The following UGT2A1 variants were observed in gnomAD, a reference collection of about 807,000 sequenced individuals.
UGT2A1 encodes the protein UDP glucuronosyltransferase family 2 member A1 complex locus, also known as UDP-glucuronosyltransferase 2A1.
Under a neutral mutation model 45.4 loss-of-function variants are expected in UGT2A1, and 61 were observed. That is an observed-to-expected ratio of 1.34 (90% confidence interval 1.09 to 1.66). UGT2A1 has a LOEUF of 1.66. Ranked by LOEUF, UGT2A1 falls within the 40% of genes most tolerant of loss-of-function variation. UGT2A1 has a pLI of 0.00. For synonymous variants in UGT2A1, 229 were observed against 196.2 expected, an observed-to-expected ratio of 1.17 and a Z score of -1.40; for missense variants, 649 against 574.3, an observed-to-expected ratio of 1.13 and a Z score of -1.33.
At chr4:69,638,402 T>C (rs116664976) in intron 2 of UGT2A1, among the ~76,000 whole-genome samples, 2,343 of 152,194 alleles carry the variant, frequency 0.015, 65 homozygotes, top group African/African-American at 0.054. Context: ...AGAGATGGTG[T>C]CCAACTACCC....
intron 6 of UGT2A1, among the ~76,000 whole-genome samples, chr4:69,591,047 C>G (rs958949927): frequency 2.6e-5 from 4 of 152,198 alleles, no homozygotes; most frequent in African/African-American, 9.6e-5. Context: ...AGTGAAGTTA[C>G]TTTAAATTAA....
At chr4:69,593,250 A>ATAATCTC (rs1203556945) in intron 6 of UGT2A1, among the ~76,000 whole-genome samples, 2 of 152,106 alleles carry the variant, frequency 1.3e-5, no homozygotes, top group Non-Finnish European at 2.9e-5. Context: ...TTTGGAATAA[A>ATAATCTC]TAATCTCTAA....
chr4:69,611,069 G>A (rs543252508), intron 3 of UGT2A1, among the ~76,000 whole-genome samples: 3 of 152,148 alleles, frequency 2.0e-5, no homozygotes, highest in South Asian at 2.1e-4. Flanking sequence ...TAGCAGAATA[G>A]GCAAATAATT....
intron 2 of UGT2A1, among the ~76,000 whole-genome samples, chr4:69,637,609 C>A (rs1721784350): frequency 6.6e-6 from 1 of 152,078 alleles, no homozygotes; most frequent in African/African-American, 2.4e-5. Context: ...ACTTTCTCTG[C>A]CTGCTCTATT....
chr4:69,650,842 T>C (rs1350741325), intron 1 of UGT2A1, among the ~76,000 whole-genome samples: 3 of 152,116 alleles, frequency 2.0e-5, no homozygotes, highest in Admixed American at 2.0e-4. Context: ...TACTTCCAGC[T>C]TTTTGGGGGG....
chr4:69,611,174 C>T (rs1720019890), intron 3 of UGT2A1, among the ~76,000 whole-genome samples: 1 of 151,550 alleles, frequency 6.6e-6, no homozygotes, highest in Admixed American at 6.6e-5. Flanking sequence ...GAGACAGAAT[C>T]TTGCTCTGTC....
intron 3 of UGT2A1, among the ~76,000 whole-genome samples, chr4:69,612,260 T>C (rs1467011299): frequency 1.3e-5 from 2 of 151,994 alleles, no homozygotes; most frequent in South Asian, 2.1e-4. Context: ...TTATTCCATA[T>C]ACTATCGTGA....
At chr4:69,623,669 A>G (rs963948194) in intron 3 of UGT2A1, among the ~76,000 whole-genome samples, 4 of 151,450 alleles carry the variant, frequency 2.6e-5, no homozygotes, top group African/African-American at 9.7e-5. Context: ...AAAAAATTCT[A>G]TAGTAATATT....
At chr4:69,617,112 C>T (rs2109928802) in intron 3 of UGT2A1, among the ~76,000 whole-genome samples, 1 of 151,982 alleles carries the variant, frequency 6.6e-6, no homozygotes, top group Admixed American at 6.6e-5. Flanking sequence ...GTTAGAATTA[C>T]AGAACTATTG....
chr4:69,652,472 C>T (rs543812299), intron 1 of UGT2A1, among the ~76,000 whole-genome samples: 121 of 151,638 alleles, frequency 8.0e-4, no homozygotes, highest in Non-Finnish European at 1.5e-3. Flanking sequence ...TTAGTAGAGA[C>T]GGGGTTTCAC....
chr4:69,639,238 A>C (rs1238155299), intron 2 of UGT2A1: 5 of 1,613,696 alleles, frequency 3.1e-6, no homozygotes. Context: ...ACACCATCAC[A>C]GAGTTGTATG....
At chr4:69,605,461 ACAG>A (rs1458065591) in intron 3 of UGT2A1, among the ~76,000 whole-genome samples, 1 of 137,164 alleles carries the variant, frequency 7.3e-6, no homozygotes, top group Admixed American at 7.2e-5. Context: ...TGCCCACAGA[ACAG>A]AGCAGGAAAG....
intron 3 of UGT2A1, among the ~76,000 whole-genome samples, chr4:69,614,354 T>G (rs2109923436): frequency 6.6e-6 from 1 of 152,088 alleles, no homozygotes; most frequent in African/African-American, 2.4e-5. Flanking sequence ...TTTCTGTTCA[T>G]AGAATAGAGG....
intron 3 of UGT2A1, 117 bp downstream of exon 3, chr4:69,635,574 A>G (rs965833389): frequency 5.9e-6 from 1 of 169,378 alleles, no homozygotes; most frequent in African/African-American, 2.4e-5. Context: ...TCAAGCCTGT[A>G]ATCCCAGCAA....
At chr4:69,641,894 G>T (rs1173951410) in intron 2 of UGT2A1, among the ~76,000 whole-genome samples, 2 of 151,698 alleles carry the variant, frequency 1.3e-5, no homozygotes, top group African/African-American at 2.4e-5. Context: ...TTTAGGGAGA[G>T]AATCTTATTT....
At chr4:69,644,778 C>T (rs1722183201) in intron 2 of UGT2A1, among the ~76,000 whole-genome samples, 1 of 151,774 alleles carries the variant, frequency 6.6e-6, no homozygotes, top group East Asian at 1.9e-4. Flanking sequence ...ATGACTTTTG[C>T]TATCAGTGCT....
At chr4:69,596,353 C>G in intron 4 of UGT2A1, 1 of 1,602,878 alleles carries the variant, frequency 6.2e-7, no homozygotes, top group Non-Finnish European at 8.5e-7. Context: ...ACCATTTTTA[C>G]CTGAGCTCTG....
chr4:69,627,065 C>T (rs1174000367), intron 3 of UGT2A1, among the ~76,000 whole-genome samples: 1 of 151,790 alleles, frequency 6.6e-6, no homozygotes, highest in East Asian at 1.9e-4. Flanking sequence ...TAGGTATATT[C>T]ATTGTTACTG....
chr4:69,612,243 T>C (rs1377666435), intron 3 of UGT2A1, among the ~76,000 whole-genome samples: 1 of 151,992 alleles, frequency 6.6e-6, no homozygotes, highest in Non-Finnish European at 1.5e-5. Flanking sequence ...TGAAATAGAA[T>C]ATAAAATTAT....
Sources: allele counts gnomAD v4.1 joint callset (sites outside exome capture counted in the v4.1 genomes callset), GRCh38; gene constraint gnomAD v4.1.1; transcripts MANE v1.5; gene names NCBI Gene and HGNC (gene_info 2026-07-23, HGNC 2026-07-21).